Variants in ZNF804B observed in about 807,000 individuals in gnomAD.
The protein encoded by ZNF804B is zinc finger protein 804B.
ZNF804B carries 80 observed loss-of-function variants against 101.4 expected under a neutral mutation model. The ratio of observed to expected loss-of-function variants is 0.79; its 90% CI spans 0.66 to 0.95. The LOEUF is 0.95. ZNF804B is among the 40% of genes least tolerant of loss of function. ZNF804B has a pLI of 0.00. For synonymous variants in ZNF804B, 622 were observed against 558.8 expected, an observed-to-expected ratio of 1.11 and a Z score of -1.59; for missense variants, 1,673 against 1,561.9, an observed-to-expected ratio of 1.07 and a Z score of -1.20.
intron 1 of ZNF804B, among the ~76,000 whole-genome samples, chr7:88,818,733 C>T (rs552569809): frequency 3.9e-4 from 59 of 152,184 alleles, no homozygotes; most frequent in Non-Finnish European, 7.6e-4. Context: ...CACTTAGTTA[C>T]TCATTAATGT....
chr7:88,877,007 A>AAATATATATATATATAATATATATT (rs1487886166), intron 1 of ZNF804B, among the ~76,000 whole-genome samples: 29 of 75,184 alleles, frequency 3.9e-4, no homozygotes, highest in African/African-American at 2.6e-3. Flanking sequence ...TGAAAAAAAA[A>AAATATATATATATATAATATATATT]ATATATATAT....
Position 89,126,618 on chromosome 7 carries a change from G to T in ZNF804B, c.109-91537G>T, listed in dbSNP as rs1000663937. On this transcript the variant is annotated intron_variant, in intron 1 of 3. Transcript: ENST00000333190. Reference sequence around the variant, plus strand: ...TCTCATTATTAGAAATTTTTCTTCTGCTTTCTGCAGATTTTTGAATTATGG... The same window carrying T: ...TCTCATTATTAGAAATTTTTCTTCTTCTTTCTGCAGATTTTTGAATTATGG... Among the ~76,000 whole-genome samples, 3 of 151,906 alleles carry T rather than the reference G, an allele frequency of 2.0e-5. No homozygotes were observed. In the East Asian group the frequency reaches 5.8e-4, roughly 29 times the overall value.
rs143123381 is a variant in ZNF804B at position 88,827,742 on chromosome 7, C to T, written c.108+67658C>T. On this transcript the variant is annotated intron_variant, in intron 1 of 3. Coordinates refer to ENST00000333190, the MANE Select transcript of ZNF804B (RefSeq NM_181646.5). ...TAAAGGCGTTCTCTGTGCAGCATGCCGTATTTCCATTAGTAGTGCTGCAAC... is the reference window on the plus strand; with the variant it reads ...TAAAGGCGTTCTCTGTGCAGCATGCTGTATTTCCATTAGTAGTGCTGCAAC... 7.8e-4 allele frequency among the ~76,000 whole-genome samples: 118 copies of T among 152,130 alleles called. 1 individual carries two copies. Among genetic ancestry groups the T allele is most frequent in the African/African-American group, 2.7e-3 (111 of 41,522 alleles).
chr7:89,220,162 C>CAT (rs1219530870), intron 2 of ZNF804B, among the ~76,000 whole-genome samples: 4 of 129,338 alleles, frequency 3.1e-5, no homozygotes, highest in African/African-American at 1.2e-4. Flanking sequence ...TATATATATA[C>CAT]GCACATATAT....
At position 88,946,219 on chromosome 7, in the gene ZNF804B, G is replaced by T. The variant is rs201196600; in HGVS notation, c.108+186135G>T. Among the ~76,000 whole-genome samples, 23 of 152,052 alleles carry T rather than the reference G, an allele frequency of 1.5e-4. No homozygotes were observed. In the East Asian group the frequency reaches 4.5e-3, roughly 30 times the overall value. ...GCCCATTCAGTATCATATTGGCTGT[G>T]GGTTTGTCATAAATAGCTCTTATTA... On this transcript the variant is annotated intron_variant, in intron 1 of 3. Coordinates refer to ENST00000333190, the MANE Select transcript of ZNF804B (RefSeq NM_181646.5).
intron 1 of ZNF804B, among the ~76,000 whole-genome samples, chr7:89,147,434 C>T (rs1415682900): frequency 1.3e-5 from 2 of 152,038 alleles, no homozygotes; most frequent in African/African-American, 2.4e-5. Flanking sequence ...TCTAATATTA[C>T]AGATCAAGGT....
At chr7:89,329,326 C>T (rs570733535) in intron 3 of ZNF804B, among the ~76,000 whole-genome samples, 3 of 151,814 alleles carry the variant, frequency 2.0e-5, no homozygotes, top group South Asian at 4.2e-4. Flanking sequence ...TCTGCTTAAA[C>T]AGACTCATGG....
At chr7:89,159,949 C>T (rs558317287) in intron 1 of ZNF804B, among the ~76,000 whole-genome samples, 7 of 152,228 alleles carry the variant, frequency 4.6e-5, no homozygotes, top group Non-Finnish European at 1.0e-4. Context: ...TCCACTCACA[C>T]TAATATGTGG....
Position 89,337,271 on chromosome 7 carries a change from G to T in ZNF804B, c.*239G>T, listed in dbSNP as rs960904888. Among the ~76,000 whole-genome samples the T allele has an allele frequency of 6.6e-5, 10 of 152,086 alleles. No individual in the cohort carries two copies. The highest frequency in any genetic ancestry group is 2.4e-4 in the African/African-American group (10 of 41,416). On this transcript the variant is annotated 3_prime_UTR_variant, in exon 4 of 4. Transcript: ENST00000333190. ...TTTATGAAAGCGTAGAGGGAAGAGG[G>T]AAAGAGTTAAAGATTTGTTTTGGAT...
At chr7:89,040,818 TG>T (rs778712057) in intron 1 of ZNF804B, among the ~76,000 whole-genome samples, 3 of 152,150 alleles carry the variant, frequency 2.0e-5, no homozygotes, top group Non-Finnish European at 4.4e-5. Flanking sequence ...GTTTATCTGA[TG>T]GGGTCTGTGT....
intron 2 of ZNF804B, among the ~76,000 whole-genome samples, chr7:89,256,320 G>T (rs555755107): frequency 6.6e-6 from 1 of 152,320 alleles, no homozygotes; most frequent in South Asian, 2.1e-4. Flanking sequence ...TTGGAAGGCT[G>T]AGGCGAAAGG....
intron 1 of ZNF804B, among the ~76,000 whole-genome samples, chr7:88,978,808 C>CTCCG (rs1793654720): frequency 6.8e-6 from 1 of 147,068 alleles, no homozygotes; most frequent in Non-Finnish European, 1.5e-5. Context: ...CCCTGCCTCC[C>CTCCG]TCCCTCCCTC....
intron 1 of ZNF804B, among the ~76,000 whole-genome samples, chr7:88,908,733 A>G (rs1275834940): frequency 6.6e-6 from 1 of 151,816 alleles, no homozygotes; most frequent in Non-Finnish European, 1.5e-5. Context: ...TCATCTGACT[A>G]TTTTTAAAGA....
intron 2 of ZNF804B, among the ~76,000 whole-genome samples, chr7:89,251,747 T>G (rs2115789754): frequency 6.6e-6 from 1 of 152,126 alleles, no homozygotes; most frequent in Middle Eastern, 3.4e-3. Context: ...AACCCAGAAA[T>G]GAAGCTGCAC....
At position 88,929,539 on chromosome 7, in the gene ZNF804B, C is replaced by T. The variant is rs115005582; in HGVS notation, c.108+169455C>T. On this transcript the variant is annotated intron_variant, in intron 1 of 3. Transcript: ENST00000333190. ...TTTATTTCTTGTCAGCCCCATGTCACGTCTTGTACAGTTTGTATAAAGACA... is the reference window on the plus strand; with the variant it reads ...TTTATTTCTTGTCAGCCCCATGTCATGTCTTGTACAGTTTGTATAAAGACA... Among the ~76,000 whole-genome samples the T allele has an allele frequency of 1.6e-3, 248 of 152,012 alleles. 1 individual carries two copies. The highest frequency in any genetic ancestry group is 5.3e-3 in the African/African-American group (221 of 41,538).
intron 1 of ZNF804B, among the ~76,000 whole-genome samples, chr7:89,077,190 G>A (rs1003684167): frequency 6.6e-6 from 1 of 152,050 alleles, no homozygotes; most frequent in Non-Finnish European, 1.5e-5. Context: ...TACAGGAAAA[G>A]CAGGTTCTTG....
intron 1 of ZNF804B, among the ~76,000 whole-genome samples, chr7:89,060,082 T>C (rs577547101): frequency 1.2e-4 from 18 of 152,260 alleles, no homozygotes; most frequent in Middle Eastern, 6.8e-3. Flanking sequence ...CACCATTGGC[T>C]TCCCTGGTTC....
At chr7:88,853,092 G>T (rs1444782920) in intron 1 of ZNF804B, among the ~76,000 whole-genome samples, 4 of 152,044 alleles carry the variant, frequency 2.6e-5, no homozygotes, top group African/African-American at 9.7e-5. Flanking sequence ...CATTAGATAG[G>T]TATTTGCACA....
intron 1 of ZNF804B, among the ~76,000 whole-genome samples, chr7:89,142,271 TTTGTTTTTTG>T (rs979268265): frequency 1.1e-4 from 17 of 151,478 alleles, no homozygotes; most frequent in African/African-American, 2.2e-4. Context: ...TTTTTGTTTG[TTTGTTTTTTG>T]TTGTTTTTTG....
Sources: gnomAD v4.1 joint callset for allele counts (sites outside exome capture counted in the v4.1 genomes callset) on GRCh38, gnomAD v4.1.1 for gene constraint, MANE v1.5 for transcripts, NCBI Gene and HGNC (gene_info 2026-07-23, HGNC 2026-07-21) for gene names.